The following CSGALNACT1 variants were observed in gnomAD, a reference collection of about 807,000 sequenced individuals.
CSGALNACT1 encodes chondroitin sulfate N-acetylgalactosaminyltransferase 1, also known as beta4GalNAcT-1.
A neutral mutation model predicts 51.0 loss-of-function variants in CSGALNACT1; 52 were observed. The ratio of observed to expected loss-of-function variants is 1.02; its 90% confidence interval spans 0.82 to 1.29. CSGALNACT1 has a LOEUF of 1.29. CSGALNACT1 is among the 50% of genes most tolerant of loss of function. CSGALNACT1 has a pLI of 0.00. For synonymous variants in CSGALNACT1, 341 were observed against 254.4 expected (o/e 1.34, Z -3.24); for missense variants, 935 against 679.2 (o/e 1.38, Z -4.19).
At chr8:19,567,710 C>G (rs2042171748) in intron 3 of CSGALNACT1, among the ~76,000 whole-genome samples, 2 of 152,116 alleles carry the variant, frequency 1.3e-5, no homozygotes, top group African/African-American at 4.8e-5. Flanking sequence ...ACTGATGTGT[C>G]TATTTTCTAT....
chr8:19,499,097 AGAGT>A (rs1408637567), intron 4 of CSGALNACT1, among the ~76,000 whole-genome samples: 1 of 152,244 alleles, frequency 6.6e-6, no homozygotes, highest in Non-Finnish European at 1.5e-5. Flanking sequence ...CCTGAGCAAC[AGAGT>A]GAGACCCTGT....
intron 2 of CSGALNACT1, among the ~76,000 whole-genome samples, chr8:19,592,411 A>T (rs943259159): frequency 2.0e-5 from 3 of 152,246 alleles, no homozygotes; most frequent in Non-Finnish European, 4.4e-5. Flanking sequence ...ATATTTATTT[A>T]TGTACGTATA....
rs528479378 is a variant in CSGALNACT1 at position 19,546,281 on chromosome 8, C to T, written c.-296-40151G>A. ...GTTTTTGTAAGTAAGTTGAACATGG[C>T]TTTCATATATGCCTAGAGGGCTGTG... On this transcript the variant is annotated intron_variant, in intron 3 of 9. Transcript: ENST00000454498. 5.9e-5 allele frequency among the ~76,000 whole-genome samples: 9 copies of T among 152,154 alleles called. No individual in the cohort carries two copies. The South Asian group carries it at 1.7e-3, about 28-fold the overall frequency.
intron 1 of CSGALNACT1, among the ~76,000 whole-genome samples, chr8:19,715,732 T>C (rs1051838454): frequency 1.3e-5 from 2 of 152,194 alleles, no homozygotes; most frequent in Admixed American, 6.5e-5. Context: ...ACATCTTTCC[T>C]TCTGCTAGTT....
intron 3 of CSGALNACT1, among the ~76,000 whole-genome samples, chr8:19,511,474 A>G (rs771404476): frequency 1.1e-4 from 17 of 152,364 alleles, no homozygotes; most frequent in South Asian, 2.1e-4. Context: ...GTGTGTGGAA[A>G]GGATTCTTAT....
intron 6 of CSGALNACT1, among the ~76,000 whole-genome samples, chr8:19,426,523 CA>C (rs2058797767): frequency 6.6e-6 from 1 of 152,218 alleles, no homozygotes; most frequent in Non-Finnish European, 1.5e-5. Flanking sequence ...GGGGGCACTA[CA>C]TTTTATATTA....
chr8:19,743,085 T>A (rs1041059965), intron 1 of CSGALNACT1, among the ~76,000 whole-genome samples: 6 of 152,210 alleles, frequency 3.9e-5, no homozygotes, highest in African/African-American at 1.2e-4. Context: ...ACTCTCACTT[T>A]AGGGAGATAC....
At chr8:19,522,280 A>G (rs1360550992) in intron 3 of CSGALNACT1, among the ~76,000 whole-genome samples, 1 of 152,214 alleles carries the variant, frequency 6.6e-6, no homozygotes, top group Admixed American at 6.5e-5. Context: ...ATACACAGGT[A>G]CAGAGCTGGT....
At chr8:19,648,211 A>G (rs1272678573) in intron 1 of CSGALNACT1, among the ~76,000 whole-genome samples, 7 of 152,078 alleles carry the variant, frequency 4.6e-5, no homozygotes, top group Non-Finnish European at 1.0e-4. Flanking sequence ...TCTCCCTACC[A>G]CTCAATCTGT....
intron 1 of CSGALNACT1, among the ~76,000 whole-genome samples, chr8:19,663,526 T>C (rs1478069589): frequency 6.6e-6 from 1 of 152,204 alleles, no homozygotes; most frequent in Admixed American, 6.5e-5. Flanking sequence ...CCAAAGAGCG[T>C]AGCATTCATG....
chr8:19,600,840 A>G (rs1453993512), intron 2 of CSGALNACT1, among the ~76,000 whole-genome samples: 1 of 151,912 alleles, frequency 6.6e-6, no homozygotes, highest in East Asian at 1.9e-4. Context: ...AAAAAAAAAA[A>G]AAGCAAAACC....
chr8:19,645,536 G>A (rs887987936), intron 1 of CSGALNACT1, among the ~76,000 whole-genome samples: 1 of 152,208 alleles, frequency 6.6e-6, no homozygotes, highest in Non-Finnish European at 1.5e-5. Context: ...CATTTCCGCA[G>A]CTGTCAAACA....
chr8:19,439,620 C>T (rs1006178138), intron 6 of CSGALNACT1, among the ~76,000 whole-genome samples: 2 of 152,376 alleles, frequency 1.3e-5, no homozygotes, highest in South Asian at 4.1e-4. Flanking sequence ...TCAAAGTCAT[C>T]ACCCATGCAC....
chr8:19,714,831 T>C (rs73667405), intron 1 of CSGALNACT1, among the ~76,000 whole-genome samples: 66 of 152,204 alleles, frequency 4.3e-4, no homozygotes, highest in African/African-American at 1.6e-3. Context: ...AAATTGCATG[T>C]TGCAGGGGTT....
intron 4 of CSGALNACT1, among the ~76,000 whole-genome samples, chr8:19,485,527 A>C (rs2072662280): frequency 6.6e-6 from 1 of 152,092 alleles, no homozygotes; most frequent in Non-Finnish European, 1.5e-5. Flanking sequence ...AACAGCTCCT[A>C]ACAGCTATTA....
At chr8:19,698,919 G>C (rs2061718675) in intron 1 of CSGALNACT1, among the ~76,000 whole-genome samples, 1 of 152,160 alleles carries the variant, frequency 6.6e-6, no homozygotes. Flanking sequence ...AAATGCCATA[G>C]GATTTGCATG....
chr8:19,586,407 GAA>G (rs34752027), intron 3 of CSGALNACT1, among the ~76,000 whole-genome samples: 4,928 of 94,758 alleles, frequency 0.052, 270 homozygotes, highest in African/African-American at 0.14. Flanking sequence ...TAGTCTTATA[GAA>G]AAAAAAAAAA....
At chr8:19,673,365 C>T (rs2154199134) in intron 1 of CSGALNACT1, among the ~76,000 whole-genome samples, 1 of 152,326 alleles carries the variant, frequency 6.6e-6, no homozygotes, top group South Asian at 2.1e-4. Flanking sequence ...TTTCAACTTG[C>T]TCATGCTCAG....
chr8:19,722,703 C>G (rs2063191542), intron 1 of CSGALNACT1, among the ~76,000 whole-genome samples: 1 of 152,216 alleles, frequency 6.6e-6, no homozygotes, highest in South Asian at 2.1e-4. Flanking sequence ...GCCTTGCACT[C>G]TCACCGAGGG....
Sources: gnomAD v4.1 joint callset for allele counts (sites outside exome capture counted in the v4.1 genomes callset) on GRCh38, gnomAD v4.1.1 for gene constraint, MANE v1.5 for transcripts, NCBI Gene and HGNC (gene_info 2026-07-23, HGNC 2026-07-21) for gene names.